Variants in SH3TC2 observed in about 807,000 individuals in gnomAD.
SH3TC2 encodes SH3 domain and tetratricopeptide repeats 2, also known as SH3 domain and tetratricopeptide repeat-containing protein 2.
SH3TC2 carries 87 observed loss-of-function variants against 124.5 expected under a neutral mutation model. That is an observed-to-expected ratio of 0.70 (90% CI 0.59 to 0.84). The LOEUF is 0.84. Ranked by LOEUF, SH3TC2 falls within the 40% of genes least tolerant of loss-of-function variation. SH3TC2 has a pLI of 0.00. For missense variants in SH3TC2, 1,536 were observed against 1,566.4 expected, an observed-to-expected ratio of 0.98 and a Z score of 0.33; for synonymous variants, 634 against 628.5, an observed-to-expected ratio of 1.01 and a Z score of -0.13.
intron 2 of SH3TC2, among the ~76,000 whole-genome samples, chr5:149,048,739 T>A (rs1754508368): frequency 6.6e-6 from 1 of 152,088 alleles, no homozygotes; most frequent in African/African-American, 2.4e-5. Context: ...ACATAATAGT[T>A]TCAGATGGAG....
rs1171172528 is a variant in SH3TC2 at position 149,038,444 on chromosome 5, C to T, written c.852G>A (p.Lys284=). The T allele has an allele frequency of 6.2e-7, 1 of 1,614,160 alleles. No individual in the cohort carries two copies. Among genetic ancestry groups the T allele is most frequent in the Non-Finnish European group, 8.5e-7 (1 of 1,180,006 alleles). ...KALTGYEPGE[K]DELNFYQGES... The stretch of plus-strand genomic sequence containing the variant: ...CTCCCTGGTAGAAATTCAGTTCATC[C>T]TTTTCTCCTGGCTCATAACCCGTCA... Residue 284 remains lysine, a synonymous_variant, in exon 8 of 17, where the codon AAG becomes AAA. Coordinates refer to ENST00000515425, the MANE Select transcript of SH3TC2 (RefSeq NM_024577.4).
chr5:149,042,767 C>T lies in SH3TC2; in HGVS notation c.456G>A (p.Glu152=). Residue 152 remains glutamate (E), a synonymous_variant, in exon 5 of 17, where the codon GAG becomes GAA. Transcript: ENST00000515425. ...CTACAGACACTTGGATCTCTGTATC[C>T]TCCACCAATATGCAGTTGAGCCAGT... ...HKYWLNCILV[E]DTEIQVSVDD... is the part of the protein sequence containing the mutation. 6.2e-7 allele frequency: 1 copy of T among 1,614,124 alleles called. No homozygotes were observed. Among genetic ancestry groups the T allele is most frequent in the Non-Finnish European group, 8.5e-7 (1 of 1,179,998 alleles).
chr5:148,990,076 C>A lies in SH3TC2; in HGVS notation c.*14635G>T, dbSNP rs1046434773. Among the ~76,000 whole-genome samples, 2 of 152,064 alleles carry A rather than the reference C, an allele frequency of 1.3e-5. No homozygotes were observed. The highest frequency in any genetic ancestry group is 2.9e-5 in the Non-Finnish European group (2 of 68,026). On this transcript the variant is annotated 3_prime_UTR_variant, in exon 17 of 17. Transcript: ENST00000515425. ...CCCTTAAGCCAGTTTTCCCTGCTTT[C>A]TCTCATGGGTGAACCATCCTGGGGA...
intron 4 of SH3TC2, among the ~76,000 whole-genome samples, chr5:149,043,325 G>A (rs1425840580): frequency 6.6e-6 from 1 of 152,088 alleles, no homozygotes; most frequent in Non-Finnish European, 1.5e-5. Flanking sequence ...CTCTGACCCT[G>A]CCCCTCCTCC....
At position 148,991,839 on chromosome 5, in the gene SH3TC2, C is replaced by T. The variant is rs943250289; in HGVS notation, c.*12872G>A. On this transcript the variant is annotated 3_prime_UTR_variant, in exon 17 of 17. Transcript: ENST00000515425. ...GAACTCTACAAATATGGCAGATCAT[C>T]ACATGGGACTTTATCCATGGAGGTG... Among the ~76,000 whole-genome samples the T allele has an allele frequency of 1.3e-5, 2 of 152,178 alleles. No individual in the cohort carries two copies. Among genetic ancestry groups the T allele is most frequent in the African/African-American group, 4.8e-5 (2 of 41,436 alleles).
chr5:149,052,765 C>T (rs1217257672), intron 1 of SH3TC2, among the ~76,000 whole-genome samples: 1 of 152,118 alleles, frequency 6.6e-6, no homozygotes, highest in Non-Finnish European at 1.5e-5. Flanking sequence ...AAGTTACTGT[C>T]TTCACAACGG....
At chr5:149,007,156 T>A in intron 15 of SH3TC2, 79 bp from the exon 16 acceptor site, 1 of 1,385,452 alleles carries the variant, frequency 7.2e-7, no homozygotes, top group Non-Finnish European at 1.0e-6. Context: ...TCCATAAAAC[T>A]TTTTGAAGGT....
Position 149,012,732 on chromosome 5 carries a change from G to A in SH3TC2, c.3056C>T (p.Ser1019Phe). ...GATGCATGTGAGTGACCTCCTGAGG[G>A]ACCTGGGGACAGACATGAACTTGTG... ...QLYRNLNTAR[S>F]LRRSLTCIKE... The change falls in exon 13 of 17, where the codon TCC (serine) becomes TTC (phenylalanine). Residue 1019 changes from serine to phenylalanine, a missense_variant and splice_region_variant. Physicochemically the swap from Ser to Phe is radical, Grantham distance 155. Transcript: ENST00000515425. 6.2e-7 allele frequency: 1 copy of A among 1,614,102 alleles called. No homozygotes were observed. Among genetic ancestry groups the A allele is most frequent in the Non-Finnish European group, 8.5e-7 (1 of 1,180,022 alleles).
In SH3TC2 at chr5:149,027,970, C is replaced by G. The variant is rs764501817; in HGVS notation, c.1762G>C (p.Gly588Arg). 6.2e-7 allele frequency: 1 copy of G among 1,614,180 alleles called. No individual in the cohort carries two copies. Among genetic ancestry groups the G allele is most frequent in the Non-Finnish European group, 8.5e-7 (1 of 1,180,048 alleles). The part of the protein sequence containing the change: ...IYLKQRLRHK[G>R]SALLEKAGAL... ...CCTGCCTTTTCCAACAGGGCGGAGC[C>G]TTTATGTCTCAGCCTCTGTTTCAGG... is the stretch of plus-strand genomic sequence containing the variant. Residue 588 changes from glycine to arginine, a missense_variant, in exon 11 of 17, where the codon GGC (glycine) becomes CGC (arginine). Physicochemically the swap from Gly to Arg is moderately radical, Grantham distance 125 (BLOSUM62 -2). Transcript: ENST00000515425.
rs1160077518 is a variant in SH3TC2 at position 148,999,769 on chromosome 5, A to T, written c.*4942T>A. 2.0e-5 allele frequency among the ~76,000 whole-genome samples: 3 copies of T among 152,168 alleles called. No individual in the cohort carries two copies. The highest frequency in any genetic ancestry group is 4.4e-5 in the Non-Finnish European group (3 of 68,018). Reference sequence around the variant, plus strand: ...CCTAATCTAGTCTCATGCTGCTTCTAGAATCATCTTTCCAAAGCACAAATC... The same window carrying T: ...CCTAATCTAGTCTCATGCTGCTTCTTGAATCATCTTTCCAAAGCACAAATC... On this transcript the variant is annotated 3_prime_UTR_variant, in exon 17 of 17. Coordinates refer to ENST00000515425, the MANE Select transcript of SH3TC2 (RefSeq NM_024577.4).
At chr5:149,052,370 T>G (rs539660362) in intron 1 of SH3TC2, 130 bp from the exon 2 acceptor site, 280 of 708,874 alleles carry the variant, frequency 3.9e-4, no homozygotes, top group Middle Eastern at 2.9e-4. Context: ...ATTCTAATTG[T>G]TATCACCATT....
At position 149,028,616 on chromosome 5, in the gene SH3TC2, C is replaced by A. The variant is rs1375265902; in HGVS notation, c.1177+61G>T. On this transcript the variant is annotated intron_variant, in intron 10 of 16. Coordinates refer to ENST00000515425, the MANE Select transcript of SH3TC2 (RefSeq NM_024577.4). Reference sequence around the variant, plus strand: ...CTGCACCTAAGGTGGCCGCTCTTGGCAAGAGGACAGAAGTGCTGTCCTCAA... The same window carrying A: ...CTGCACCTAAGGTGGCCGCTCTTGGAAAGAGGACAGAAGTGCTGTCCTCAA... The A allele has an allele frequency of 2.5e-6, 4 of 1,614,042 alleles. No individual in the cohort carries two copies. The African/African-American group carries it at 5.3e-5, about 22-fold the overall frequency.
intron 8 of SH3TC2, among the ~76,000 whole-genome samples, chr5:149,033,182 C>T (rs117585704): frequency 2.0e-5 from 3 of 152,270 alleles, no homozygotes; most frequent in East Asian, 1.9e-4. Context: ...TCTACCTCTG[C>T]GTGCATTGCC....
chr5:149,000,149 C>T lies in SH3TC2; in HGVS notation c.*4562G>A, dbSNP rs968765084. On this transcript the variant is annotated 3_prime_UTR_variant, in exon 17 of 17. Transcript: ENST00000515425. ...CCTGTAACTAACACCAATCACAATG[C>T]TTCTGATACTGAATCATATTACATA... 6.6e-6 allele frequency among the ~76,000 whole-genome samples: 1 copy of T among 152,222 alleles called. No homozygotes were observed. The highest frequency in any genetic ancestry group is 1.5e-5 in the Non-Finnish European group (1 of 68,038).
At chr5:149,051,255 T>C (rs1180456086) in intron 2 of SH3TC2, among the ~76,000 whole-genome samples, 1 of 152,240 alleles carries the variant, frequency 6.6e-6, no homozygotes, top group African/African-American at 2.4e-5. Flanking sequence ...TTCACATTAA[T>C]TTCAAAACTT....
At chr5:149,053,932 G>A (rs907648015) in intron 1 of SH3TC2, among the ~76,000 whole-genome samples, 2 of 152,040 alleles carry the variant, frequency 1.3e-5, no homozygotes, top group Non-Finnish European at 2.9e-5. Context: ...GATGTTAATG[G>A]GTACAAAAAT....
rs1554119373 is a variant in SH3TC2 at position 148,994,730 on chromosome 5, G to GGATA, written c.*9980_*9981insTATC. On this transcript the variant is annotated 3_prime_UTR_variant, in exon 17 of 17. Transcript: ENST00000515425. ...TGGATGGATGGATGGATGGATGGAT[G>GGATA]GATGGATGAATAGATGGATGAATAG... 7.9e-5 allele frequency among the ~76,000 whole-genome samples: 12 copies of GGATA among 151,552 alleles called. No individual in the cohort carries two copies. The highest frequency in any genetic ancestry group is 2.6e-4 in the Admixed American group (4 of 15,176).
At chr5:149,012,433 G>T in intron 13 of SH3TC2, 151 bp downstream of exon 13, 1 of 1,018,676 alleles carries the variant, frequency 9.8e-7, no homozygotes, top group Non-Finnish European at 1.5e-6. Flanking sequence ...TCCACCATGT[G>T]TTCAGGGAGC....
At chr5:149,006,358 G>A (rs1200806498) in intron 16 of SH3TC2, 1 of 120,696 alleles carries the variant, frequency 8.3e-6, no homozygotes, top group African/African-American at 3.0e-5. Context: ...TAGTTTAAAG[G>A]CCCCATACCT....
Sources: allele counts gnomAD v4.1 joint callset (sites outside exome capture counted in the v4.1 genomes callset), GRCh38; gene constraint gnomAD v4.1.1; transcripts MANE v1.5; gene names NCBI Gene and HGNC (gene_info 2026-07-23, HGNC 2026-07-21).